GNA11: variants seen among roughly 807,000 people sequenced by gnomAD.
The protein encoded by GNA11 is guanine nucleotide-binding protein subunit alpha-11.
Under a neutral mutation model 38.2 loss-of-function variants are expected in GNA11, and 8 were observed. The ratio of observed to expected loss-of-function variants is 0.21; its 90% CI spans 0.12 to 0.38. GNA11 has a LOEUF of 0.38. GNA11 is among the 10% of genes least tolerant of loss of function. The pLI, the probability that GNA11 is intolerant of heterozygous loss-of-function variation, is 1.00. For synonymous variants in GNA11, 211 were observed against 221.4 expected, an observed-to-expected ratio of 0.95 and a Z score of 0.42; for missense variants, 268 against 516.3, an observed-to-expected ratio of 0.52 and a Z score of 4.66.
chr19:3,123,507 G>C lies in GNA11; in HGVS notation c.*2328G>C. The C allele has an allele frequency of 4.3e-6, 1 of 233,304 alleles. No individual in the cohort carries two copies. Among genetic ancestry groups the C allele is most frequent in the Non-Finnish European group, 8.5e-6 (1 of 118,032 alleles). 14.5% of individuals were successfully genotyped at this position (233,304 alleles called of 1,614,324 possible). ...ACGTGTGGGGCCACGTGGGCATGTG[G>C]GGTGTGTGTTTTTACCTTGGTGAAT... On this transcript the variant is annotated 3_prime_UTR_variant, in exon 7 of 7. Transcript: ENST00000078429.
Position 3,123,195 on chromosome 19 carries a change from G to A in GNA11, c.*2016G>A, listed in dbSNP as rs1914129958. The A allele has an allele frequency of 8.6e-6, 2 of 233,340 alleles. No individual in the cohort carries two copies. Among genetic ancestry groups the A allele is most frequent in the Admixed American group, 5.6e-5 (1 of 17,802 alleles). The allele number at this position is 233,340 out of a possible 1,614,324, so 14.5% of individuals were successfully genotyped here. A position where few individuals can be genotyped will look rare whatever the true frequency, so the allele number is the denominator to read the frequency against. On this transcript the variant is annotated 3_prime_UTR_variant, in exon 7 of 7. Transcript: ENST00000078429. Reference sequence around the variant, plus strand: ...CTAGATTGCACAAGGTGACCTGGCCGTGGCCTGAGGGTGGAGTCGCCCAGC... The same window carrying A: ...CTAGATTGCACAAGGTGACCTGGCCATGGCCTGAGGGTGGAGTCGCCCAGC...
At chr19:3,101,148 C>T (rs890637989) in intron 1 of GNA11, among the ~76,000 whole-genome samples, 1 of 152,138 alleles carries the variant, frequency 6.6e-6, no homozygotes, top group African/African-American at 2.4e-5. Context: ...AGGGGCCCTG[C>T]AGGGACGGAG....
Position 3,113,319 on chromosome 19 carries a change from C to G in GNA11, c.322-11C>G. ...GCGAGCTCTCGACGTCTCCCCTGCC[C>G]GCCCTCGCAGGCCAATGCGCTCCTG... On this transcript the variant is annotated splice_polypyrimidine_tract_variant and intron_variant, in intron 2 of 6. Coordinates refer to ENST00000078429, the MANE Select transcript of GNA11 (RefSeq NM_002067.5). 6.2e-7 allele frequency: 1 copy of G among 1,608,898 alleles called. No individual in the cohort carries two copies. The highest frequency in any genetic ancestry group is 8.5e-7 in the Non-Finnish European group (1 of 1,179,106).
At chr19:3,113,514 G>A (rs2145319059) in intron 3 of GNA11, 30 bp downstream of exon 3, 1 of 1,519,682 alleles carries the variant, frequency 6.6e-7, no homozygotes, top group Non-Finnish European at 8.9e-7. Flanking sequence ...TGGCGGCCTG[G>A]GGACGGCAGC....
In GNA11 at chr19:3,123,293, CG is replaced by C. The variant is rs1446243096; in HGVS notation, c.*2117del. 4.3e-6 allele frequency: 1 copy of C among 233,292 alleles called. No homozygotes were observed. Among genetic ancestry groups the C allele is most frequent in the Non-Finnish European group, 8.5e-6 (1 of 118,106 alleles). The allele number at this position is 233,292 out of a possible 1,614,324, so 14.5% of individuals were successfully genotyped here. A position where few individuals can be genotyped will look rare whatever the true frequency, so the allele number is the denominator to read the frequency against. On this transcript the variant is annotated 3_prime_UTR_variant, in exon 7 of 7. Coordinates refer to ENST00000078429, the MANE Select transcript of GNA11 (RefSeq NM_002067.5). ...GGGGGCGTGCCAAGCATCCCAGAGC[CG>C]GGCTGGGACCGCCAAAACGTCGTGG...
chr19:3,112,810 G>A (rs914361708), intron 2 of GNA11, among the ~76,000 whole-genome samples: 1 of 152,376 alleles, frequency 6.6e-6, no homozygotes, highest in Non-Finnish European at 1.5e-5. Flanking sequence ...GAGAGAAGCC[G>A]GCGGGGCAGA....
intron 4 of GNA11, chr19:3,118,678 C>T (rs536182399): frequency 7.3e-5 from 35 of 476,956 alleles, no homozygotes; most frequent in Non-Finnish European, 1.2e-4. Flanking sequence ...CACTAGCGCC[C>T]GCTTCCCTGG....
At position 3,120,591 on chromosome 19, in the gene GNA11, G is replaced by T. The variant is rs1914045260; in HGVS notation, c.890-398G>T. On this transcript the variant is annotated intron_variant, in intron 6 of 6. Transcript: ENST00000078429. This position sits in a 1 kb window ranked among gnomAD's most constrained non-coding sequence, Gnocchi z 5.9. ...TGGGTGGGTGGGGGCCACTGTTCCT[G>T]CTCTGTAGGCTCTGTGCCCAGCCCT... Among the ~76,000 whole-genome samples, 1 of 152,160 alleles carries T rather than the reference G, an allele frequency of 6.6e-6. No individual in the cohort carries two copies. Among genetic ancestry groups the T allele is most frequent in the African/African-American group, 2.4e-5 (1 of 41,428 alleles).
In GNA11 at chr19:3,121,467, A is replaced by AAAAGAAAG. The variant is rs748732173; in HGVS notation, c.*296_*303dup. On this transcript the variant is annotated 3_prime_UTR_variant, in exon 7 of 7. Transcript: ENST00000078429. ...CTCGCTTTTTTCTAAAAAAAAAAAAAAAAGAAAGAAAGAAAAAAAGCAACG... is the reference window on the plus strand; with the variant it reads ...CTCGCTTTTTTCTAAAAAAAAAAAAAAAAGAAAGAAAGAAAGAAAGAAAAAAAGCAACG... 366 of 248,404 alleles carry AAAAGAAAG rather than the reference A, an allele frequency of 1.5e-3. 1 individual carries two copies. Among genetic ancestry groups the AAAAGAAAG allele is most frequent in the Middle Eastern group, 4.8e-3 (4 of 826 alleles). The allele number at this position is 248,404 out of a possible 1,614,324, so 15.4% of individuals were successfully genotyped here.
chr19:3,100,439 T>C (rs779350625), intron 1 of GNA11, among the ~76,000 whole-genome samples: 2 of 152,218 alleles, frequency 1.3e-5, no homozygotes, highest in Non-Finnish European at 2.9e-5. Flanking sequence ...GCCCATGTCA[T>C]TGAGCTGTGC....
chr19:3,109,245 G>C (rs1913706518), intron 1 of GNA11, among the ~76,000 whole-genome samples: 1 of 151,280 alleles, frequency 6.6e-6, no homozygotes, highest in Middle Eastern at 3.2e-3. Flanking sequence ...GACCAGGTGA[G>C]AGGCAGAGGC....
chr19:3,112,246 G>T (rs1442660317), intron 2 of GNA11, among the ~76,000 whole-genome samples: 6 of 152,190 alleles, frequency 3.9e-5, no homozygotes, highest in Non-Finnish European at 7.4e-5. Context: ...AGTCCCCCTA[G>T]GTGTGCTTAT....
rs2145331382 is a variant in GNA11, at chr19:3,122,531, C to T, written c.*1352C>T. 4.3e-6 allele frequency: 1 copy of T among 232,368 alleles called. No homozygotes were observed. Among genetic ancestry groups the T allele is most frequent in the East Asian group, 6.0e-5 (1 of 16,544 alleles). 14.4% of individuals were successfully genotyped at this position (232,368 alleles called of 1,614,324 possible). Reference sequence around the variant, plus strand: ...GCACTGAGGCACCGAGACTGGTTCTCCCCGAGAGACTCGGAAGGTGGGGAA... The same window carrying T: ...GCACTGAGGCACCGAGACTGGTTCTTCCCGAGAGACTCGGAAGGTGGGGAA... On this transcript the variant is annotated 3_prime_UTR_variant, in exon 7 of 7. Coordinates refer to ENST00000078429, the MANE Select transcript of GNA11 (RefSeq NM_002067.5). This position sits in a 1 kb window ranked among gnomAD's most constrained non-coding sequence, Gnocchi z 7.7.
chr19:3,121,582 C>T lies in GNA11; in HGVS notation c.*403C>T. On this transcript the variant is annotated 3_prime_UTR_variant, in exon 7 of 7. Transcript: ENST00000078429. Reference sequence around the variant, plus strand: ...CCAGCATGGGGCCCCGCCCTGCAGCCAGTCACGCGCCCCCACACCGCAGCC... The same window carrying T: ...CCAGCATGGGGCCCCGCCCTGCAGCTAGTCACGCGCCCCCACACCGCAGCC... The T allele has an allele frequency of 4.3e-6, 1 of 235,088 alleles. No homozygotes were observed. Among genetic ancestry groups the T allele is most frequent in the East Asian group, 6.0e-5 (1 of 16,602 alleles). 14.6% of individuals were successfully genotyped at this position (235,088 alleles called of 1,614,324 possible). A position where few individuals can be genotyped will look rare whatever the true frequency, so the allele number is the denominator to read the frequency against.
chr19:3,114,262 C>A (rs1013603785), intron 3 of GNA11, among the ~76,000 whole-genome samples: 7 of 152,232 alleles, frequency 4.6e-5, no homozygotes, highest in East Asian at 1.9e-4. Context: ...CGGCCTCTTA[C>A]AACCCCCACC....
intron 1 of GNA11, among the ~76,000 whole-genome samples, chr19:3,096,637 G>A (rs138201781): frequency 1.3e-5 from 2 of 152,126 alleles, no homozygotes; most frequent in African/African-American, 2.4e-5. Flanking sequence ...GGCCCTTCCC[G>A]CATCCTCTGT....
intron 1 of GNA11, among the ~76,000 whole-genome samples, chr19:3,095,112 C>A (rs1913332762): frequency 6.6e-6 from 1 of 151,986 alleles, no homozygotes. Flanking sequence ...CTGGGACCCT[C>A]CGGGGTCAGC....
At chr19:3,104,113 C>T (rs1019906422) in intron 1 of GNA11, among the ~76,000 whole-genome samples, 5 of 151,652 alleles carry the variant, frequency 3.3e-5, no homozygotes, top group Non-Finnish European at 7.3e-5. Flanking sequence ...AGCCACCGCG[C>T]CCGGCTTTGA....
chr19:3,104,350 T>C (rs1287238635), intron 1 of GNA11, among the ~76,000 whole-genome samples: 3 of 152,218 alleles, frequency 2.0e-5, no homozygotes, highest in Non-Finnish European at 2.9e-5. Context: ...GGGCGGACTC[T>C]GGCCCCTCCT....
Sources: gnomAD v4.1 joint callset for allele counts (sites outside exome capture counted in the v4.1 genomes callset) on GRCh38, gnomAD v4.1.1 for gene constraint, Gnocchi (gnomAD v3.1) non-coding constraint, MANE v1.5 for transcripts, NCBI Gene and HGNC (gene_info 2026-07-23, HGNC 2026-07-21) for gene names.